CMYA5: variants seen among roughly 807,000 people sequenced by gnomAD.
CMYA5 encodes cardiomyopathy associated 5, also known as cardiomyopathy-associated protein 5.
In CMYA5, 246 loss-of-function variants were observed where a neutral mutation model predicts 318.9. The observed-to-expected ratio is 0.77, with a 90% CI of 0.70 to 0.86. The LOEUF is 0.86. Ranked by LOEUF, CMYA5 falls within the 40% of genes least tolerant of loss-of-function variation. CMYA5 has a pLI of 0.00. For missense variants in CMYA5, 4,589 were observed against 4,678.2 expected (o/e 0.98, Z 0.56); for synonymous variants, 1,641 against 1,729.5 (o/e 0.95, Z 1.27).
rs1828295101 is a variant in CMYA5 at position 79,745,227 on chromosome 5, CTG to C, written c.10742_10743del (p.Cys3581Ter). The C allele has an allele frequency of 9.0e-6, 14 of 1,550,926 alleles. No homozygotes were observed. The highest frequency in any genetic ancestry group is 1.2e-5 in the Non-Finnish European group (14 of 1,146,156). Reference protein sequence around the residue: ...ESFFNTIEENCSKNEKRLEEQ... With the variant: ...ESFFNTIEENXSKNEKRLEEQ... ...TTTTGCTTGTTTGTTTTCAGGAAAA[CTG>C]TAGTAAAAATGAGAAAAGGCTAGAA... On this transcript the variant is annotated frameshift_variant, in exon 4 of 13. Coordinates refer to ENST00000446378, the MANE Select transcript of CMYA5 (RefSeq NM_153610.5). LOFTEE classifies it high-confidence loss of function.
In CMYA5 at chr5:79,734,191, C is replaced by G. The variant is rs573375791; in HGVS notation, c.5426C>G (p.Pro1809Arg). The G allele has an allele frequency of 6.2e-7, 1 of 1,613,784 alleles. No homozygotes were observed. The highest frequency in any genetic ancestry group is 1.6e-4 in the Middle Eastern group (1 of 6,062). Residue 1809 changes from proline (P) to arginine (R), a missense_variant, in exon 2 of 13, where the codon CCA becomes CGA. Around this residue, in one of 3 missense-constraint regions of CMYA5, gnomAD observed 2,132 missense variants for 2,131.3 expected, o/e 1.00. Transcript: ENST00000446378. ...SSQVLQSITE[P>R]SKIAPSDLLV... ...CAGGTACTCCAGAGTATAACAGAAC[C>G]ATCAAAGATTGCTCCTTCTGACCTC...
At chr5:79,705,466 C>G (rs1329510206) in intron 1 of CMYA5, among the ~76,000 whole-genome samples, 1 of 151,058 alleles carries the variant, frequency 6.6e-6, no homozygotes, top group African/African-American at 2.4e-5. Context: ...CAATAATAAC[C>G]CTAACACTGA....
At chr5:79,708,375 A>C (rs1827314687) in intron 1 of CMYA5, among the ~76,000 whole-genome samples, 1 of 151,854 alleles carries the variant, frequency 6.6e-6, no homozygotes, top group Admixed American at 6.6e-5. Flanking sequence ...TAATCTCAGC[A>C]CTTTGGGAGG....
At chr5:79,690,154 C>T in intron 1 of CMYA5, 98 bp downstream of exon 1, 1 of 1,358,704 alleles carries the variant, frequency 7.4e-7, no homozygotes. Context: ...GTTCGTTTGC[C>T]TCGAGCTAGG....
chr5:79,736,537 C>G lies in CMYA5; in HGVS notation c.7772C>G (p.Ala2591Gly). The change falls in exon 2 of 13, where the codon GCT becomes GGT. Residue 2591 changes from alanine (A) to glycine (G), a missense_variant. By Grantham distance (60) the Ala-to-Gly change is moderately conservative. Transcript: ENST00000446378. Reference sequence around the variant, plus strand: ...ACTCAATCATTTTCATTAGTTAAAGCTACATCAGTTACTGAAAAATCAGAA... The same window carrying G: ...ACTCAATCATTTTCATTAGTTAAAGGTACATCAGTTACTGAAAAATCAGAA... Reference protein sequence around the residue: ...GETQSFSLVKATSVTEKSEAM... With the variant: ...GETQSFSLVKGTSVTEKSEAM... 3 of 1,613,552 alleles carry G rather than the reference C, an allele frequency of 1.9e-6. No homozygotes were observed.
intron 9 of CMYA5, chr5:79,774,273 C>T (rs1226926939): frequency 1.3e-5 from 2 of 152,210 alleles, no homozygotes; most frequent in African/African-American, 4.8e-5. Context: ...CAGTCGGCCC[C>T]TGTTGGGTTT....
At chr5:79,765,719 G>T (rs1272384788) in intron 9 of CMYA5, among the ~76,000 whole-genome samples, 1 of 152,226 alleles carries the variant, frequency 6.6e-6, no homozygotes, top group Non-Finnish European at 1.5e-5. Flanking sequence ...CTTGTAAGTT[G>T]TATTCCTAGG....
intron 1 of CMYA5, among the ~76,000 whole-genome samples, chr5:79,697,977 T>C (rs898590772): frequency 6.6e-6 from 1 of 152,184 alleles, no homozygotes; most frequent in African/African-American, 2.4e-5. Flanking sequence ...CCAGTGTGAT[T>C]GCATTTTCGT....
chr5:79,692,078 C>G (rs1826979645), intron 1 of CMYA5, among the ~76,000 whole-genome samples: 1 of 152,166 alleles, frequency 6.6e-6, no homozygotes. Flanking sequence ...GATGAAGCCT[C>G]CAGGTAGCCA....
intron 6 of CMYA5, among the ~76,000 whole-genome samples, chr5:79,753,469 G>A (rs1403443194): frequency 2.0e-5 from 3 of 152,086 alleles, no homozygotes; most frequent in East Asian, 3.9e-4. Context: ...AAAAGATGCT[G>A]TAGTCTTCCA....
chr5:79,756,717 C>T (rs1306724794), intron 6 of CMYA5, among the ~76,000 whole-genome samples: 1 of 152,032 alleles, frequency 6.6e-6, no homozygotes. Flanking sequence ...TTCTTTAGAC[C>T]CATTTGTGTT....
At chr5:79,691,064 CCTAA>C (rs1254030539) in intron 1 of CMYA5, among the ~76,000 whole-genome samples, 1 of 152,182 alleles carries the variant, frequency 6.6e-6, no homozygotes, top group East Asian at 1.9e-4. Flanking sequence ...AAAAAGTTTC[CCTAA>C]CTTTTTCCCC....
At chr5:79,741,689 A>G (rs1828210488) in intron 2 of CMYA5, among the ~76,000 whole-genome samples, 2 of 152,262 alleles carry the variant, frequency 1.3e-5, no homozygotes, top group South Asian at 2.1e-4. Flanking sequence ...ACTCACAACT[A>G]CTGAGCACTG....
rs2151086390 is a variant in CMYA5 at position 79,734,169 on chromosome 5, G to A, written c.5404G>A (p.Val1802Ile). The A allele has an allele frequency of 1.9e-6, 3 of 1,613,760 alleles. No individual in the cohort carries two copies. Among genetic ancestry groups the A allele is most frequent in the Non-Finnish European group, 2.5e-6 (3 of 1,179,810 alleles). The change falls in exon 2 of 13, where the codon GTA (valine) becomes ATA (isoleucine). Residue 1802 changes from valine to isoleucine, a missense_variant. Coordinates refer to ENST00000446378, the MANE Select transcript of CMYA5 (RefSeq NM_153610.5). ...EETGHPNSSQ[V>I]LQSITEPSKI... The stretch of plus-strand genomic sequence containing the variant: ...AACAGGCCACCCAAATTCATCCCAG[G>A]TACTCCAGAGTATAACAGAACCATC...
At chr5:79,774,094 G>A (rs532761711) in intron 9 of CMYA5, among the ~76,000 whole-genome samples, 1 of 152,204 alleles carries the variant, frequency 6.6e-6, no homozygotes, top group African/African-American at 2.4e-5. Flanking sequence ...TAAGACCAAA[G>A]GTGCTAGTTG....
At chr5:79,770,762 AT>A (rs1297684903) in intron 9 of CMYA5, among the ~76,000 whole-genome samples, 1 of 152,160 alleles carries the variant, frequency 6.6e-6, no homozygotes, top group African/African-American at 2.4e-5. Flanking sequence ...AAAGTGTGTT[AT>A]TTAAGCTCTT....
At position 79,720,831 on chromosome 5, in the gene CMYA5, G is replaced by T. The variant is rs537092901; in HGVS notation, c.150-8084G>T. 2.6e-5 allele frequency among the ~76,000 whole-genome samples: 4 copies of T among 152,242 alleles called. 1 individual carries two copies. The South Asian group carries it at 8.3e-4, about 32-fold the overall frequency. ...AAGTAGGAAGAGCTTGTCCCCAGAA[G>T]ATTCACACCAGAGGAAATACTAAAG... is the stretch of plus-strand genomic sequence containing the variant. On this transcript the variant is annotated intron_variant, in intron 1 of 12. Transcript: ENST00000446378.
Position 79,761,869 on chromosome 5 carries a change from G to T in CMYA5, c.11319G>T (p.Leu3773=), listed in dbSNP as rs753723725. 166 of 1,613,676 alleles carry T rather than the reference G, an allele frequency of 1.0e-4. 1 individual carries two copies. In the Middle Eastern group the frequency reaches 4.5e-3, roughly 43 times the overall value. The change falls in exon 8 of 13, where the codon CTG becomes CTT. Residue 3773 remains leucine, a synonymous_variant. Transcript: ENST00000446378. ...AAAGCTACTGCATTTTTGAAGATCTGGAACCTGACCGATGCTATCAAGTGT... is the reference window on the plus strand; with the variant it reads ...AAAGCTACTGCATTTTTGAAGATCTTGAACCTGACCGATGCTATCAAGTGT... ...VKESYCIFED[L]EPDRCYQVWV... is the part of the protein sequence containing the mutation.
chr5:79,731,346 A>G lies in CMYA5; in HGVS notation c.2581A>G (p.Thr861Ala). The G allele has an allele frequency of 6.2e-7, 1 of 1,613,832 alleles. No individual in the cohort carries two copies. The highest frequency in any genetic ancestry group is 8.5e-7 in the Non-Finnish European group (1 of 1,179,876). ...TGAACACTCTTTCCCACCACACACAACCGAGATGACTTCTGAATGCCAGGC... is the reference window on the plus strand; with the variant it reads ...TGAACACTCTTTCCCACCACACACAGCCGAGATGACTTCTGAATGCCAGGC... Reference protein sequence around the residue: ...ASEHSFPPHTTEMTSECQAPP... With the variant: ...ASEHSFPPHTAEMTSECQAPP... Residue 861 changes from threonine (T) to alanine (A), a missense_variant, in exon 2 of 13, where the codon ACC becomes GCC. Transcript: ENST00000446378.
Sources: allele counts gnomAD v4.1 joint callset (sites outside exome capture counted in the v4.1 genomes callset), GRCh38; gene constraint gnomAD v4.1.1; regional missense constraint gnomAD v4.1.1; transcripts MANE v1.5; gene names NCBI Gene and HGNC (gene_info 2026-07-23, HGNC 2026-07-21).